The following CAST variants were observed in gnomAD, a reference collection of about 807,000 sequenced individuals.
CAST encodes the protein calpastatin.
In CAST, 76 loss-of-function variants were observed where a neutral mutation model predicts 119.6. The ratio of observed to expected loss-of-function variants is 0.64; its 90% confidence interval spans 0.53 to 0.77. The LOEUF (loss-of-function observed/expected upper bound fraction) is 0.77, where lower values mean the gene tolerates loss of function less well. Ranked by LOEUF, CAST falls within the 30% of genes least tolerant of loss-of-function variation. The probability of loss-of-function intolerance (pLI) is 0.00; values close to 1 mark genes in which losing one functional copy is unlikely to be tolerated. For missense variants in CAST, 953 were observed against 946.5 expected, an observed-to-expected ratio of 1.01 and a Z score of -0.09; for synonymous variants, 319 against 331.6, an observed-to-expected ratio of 0.96 and a Z score of 0.41.
chr5:96,137,830 T>C, the CAST span, among the ~76,000 whole-genome samples: 2 of 152,130 alleles, frequency 1.3e-5, no homozygotes, highest in African/African-American at 2.4e-5. Context: ...GTCTGTTTTT[T>C]AGTTGGTCTG....
intron 3 of CAST, among the ~76,000 whole-genome samples, chr5:96,710,109 A>AG (rs993267756): frequency 6.6e-6 from 1 of 152,230 alleles, no homozygotes; most frequent in Non-Finnish European, 1.5e-5. Context: ...CAGTCTTTTT[A>AG]GGGAACATTT....
At chr5:96,151,038 T>G in the CAST span, among the ~76,000 whole-genome samples, 3 of 152,316 alleles carry the variant, frequency 2.0e-5, no homozygotes, top group East Asian at 5.8e-4. Context: ...TGAGCTTCCT[T>G]GCCTGGATCA....
chr5:96,353,887 A>G, the CAST span, among the ~76,000 whole-genome samples: 22 of 152,256 alleles, frequency 1.4e-4, no homozygotes, highest in African/African-American at 5.3e-4. Flanking sequence ...ATCTGTCTCT[A>G]TCTCGATCAT....
intron 1 of CAST, among the ~76,000 whole-genome samples, chr5:96,571,512 A>C (rs1280323970): frequency 6.6e-6 from 1 of 152,236 alleles, no homozygotes; most frequent in Non-Finnish European, 1.5e-5. Context: ...GTTCTGATCT[A>C]GGTCCATTCC....
At chr5:95,991,884 A>G in the CAST span, among the ~76,000 whole-genome samples, 8 of 152,182 alleles carry the variant, frequency 5.3e-5, no homozygotes, top group African/African-American at 1.7e-4. Context: ...ATAAATACTC[A>G]AATACCTGAC....
rs1427512939 is a variant in CAST, at chr5:96,774,237, T to C, written c.*1621T>C. On this transcript the variant is annotated 3_prime_UTR_variant, in exon 32 of 32. Coordinates refer to ENST00000675179, the MANE Select transcript of CAST (RefSeq NM_001750.7). ...TGTTTGCAAGGATACGGCTTCAGTA[T>C]TACTAATTTCCATGTGTATCTGGAA... The C allele has an allele frequency of 6.5e-6, 1 of 153,986 alleles. No individual in the cohort carries two copies. Among genetic ancestry groups the C allele is most frequent in the Non-Finnish European group, 1.5e-5 (1 of 68,200 alleles). The allele number at this position is 153,986 out of a possible 1,614,324, so 9.5% of individuals were successfully genotyped here.
intron 1 of CAST, among the ~76,000 whole-genome samples, chr5:96,570,507 G>A (rs1031036946): frequency 6.6e-6 from 1 of 152,026 alleles, no homozygotes; most frequent in African/African-American, 2.4e-5. Context: ...GGAGAGAGAG[G>A]GAGTGAGGGA....
the CAST span, among the ~76,000 whole-genome samples, chr5:96,186,031 A>C: frequency 6.6e-6 from 1 of 152,162 alleles, no homozygotes; most frequent in African/African-American, 2.4e-5. Flanking sequence ...TTCTTTGTGC[A>C]GTGGTTTATA....
chr5:96,513,671 G>C, the CAST span, among the ~76,000 whole-genome samples: 1 of 152,178 alleles, frequency 6.6e-6, no homozygotes, highest in East Asian at 1.9e-4. Flanking sequence ...TGCCAGTCTT[G>C]CCAGATCTGC....
At chr5:96,204,197 C>T in the CAST span, among the ~76,000 whole-genome samples, 1 of 152,068 alleles carries the variant, frequency 6.6e-6, no homozygotes, top group South Asian at 2.1e-4. Context: ...TCTCACAGAC[C>T]AGCCTGATTG....
At chr5:96,042,372 G>A in the CAST span, among the ~76,000 whole-genome samples, 1 of 152,108 alleles carries the variant, frequency 6.6e-6, no homozygotes, top group Non-Finnish European at 1.5e-5. Context: ...ACAAAACAAT[G>A]TATTGTCCTC....
At chr5:95,998,057 C>T in the CAST span, among the ~76,000 whole-genome samples, 10 of 131,242 alleles carry the variant, frequency 7.6e-5, no homozygotes, top group Non-Finnish European at 1.4e-4. Flanking sequence ...TAATGGAATA[C>T]TGAATGACAA....
At chr5:96,345,596 T>A in the CAST span, among the ~76,000 whole-genome samples, 8 of 152,188 alleles carry the variant, frequency 5.3e-5, no homozygotes, top group Admixed American at 3.3e-4. Context: ...GGTGTACAGT[T>A]CCTTAGCTGG....
intron 1 of CAST, among the ~76,000 whole-genome samples, chr5:96,578,342 C>A (rs1449821694): frequency 6.7e-6 from 1 of 150,296 alleles, no homozygotes; most frequent in East Asian, 2.0e-4. Context: ...TTCTTATGGA[C>A]CGCATATAGT....
the CAST span, among the ~76,000 whole-genome samples, chr5:96,224,312 G>GTA: frequency 6.6e-6 from 1 of 152,166 alleles, no homozygotes; most frequent in African/African-American, 2.4e-5. Context: ...TTAGTAGGCT[G>GTA]TATAATGGCC....
chr5:96,347,961 G>A, the CAST span, among the ~76,000 whole-genome samples: 1 of 152,132 alleles, frequency 6.6e-6, no homozygotes, highest in Non-Finnish European at 1.5e-5. Context: ...AACCCCAATA[G>A]TTAATGATTA....
chr5:96,295,983 C>G, the CAST span, among the ~76,000 whole-genome samples: 1 of 152,112 alleles, frequency 6.6e-6, no homozygotes, highest in South Asian at 2.1e-4. Context: ...TAACTCTCTT[C>G]TTTGTACTTT....
the CAST span, among the ~76,000 whole-genome samples, chr5:96,233,840 G>A: frequency 8.5e-3 from 1,292 of 152,002 alleles, 13 homozygotes; most frequent in African/African-American, 0.019. Context: ...TTATATCTTC[G>A]TGTATAATCA....
chr5:96,445,909 C>T, the CAST span, among the ~76,000 whole-genome samples: 1 of 152,124 alleles, frequency 6.6e-6, no homozygotes, highest in Non-Finnish European at 1.5e-5. Context: ...AGTGCAGTGG[C>T]AGATCTGGGC....
Sources: allele counts gnomAD v4.1 joint callset (sites outside exome capture counted in the v4.1 genomes callset), GRCh38; gene constraint gnomAD v4.1.1; transcripts MANE v1.5; gene names NCBI Gene and HGNC (gene_info 2026-07-23, HGNC 2026-07-21).